Variants in KANK1 observed in about 807,000 individuals in gnomAD.
KANK1 encodes KN motif and ankyrin repeat domain-containing protein 1.
A neutral mutation model predicts 106.2 loss-of-function variants in KANK1; 109 were observed. The observed-to-expected ratio is 1.03, with a 90% CI of 0.88 to 1.20. The LOEUF (loss-of-function observed/expected upper bound fraction) is 1.20, where lower values mean the gene tolerates loss of function less well. Ranked by LOEUF, KANK1 falls within the 50% of genes most tolerant of loss-of-function variation. The probability of loss-of-function intolerance (pLI) is 0.00; values close to 1 mark genes in which losing one functional copy is unlikely to be tolerated. For synonymous variants in KANK1, 873 were observed against 652.2 expected, an observed-to-expected ratio of 1.34 and a Z score of -5.16; for missense variants, 2,399 against 1,710.7, an observed-to-expected ratio of 1.40 and a Z score of -7.10.
At chr9:611,326 A>G (rs10975399) in intron 1 of KANK1, among the ~76,000 whole-genome samples, 55,577 of 152,138 alleles carry the variant, frequency 0.37, 12,622 homozygotes, top group South Asian at 0.58. Context: ...CACCGACTCT[A>G]TGCCTTAATT....
At chr9:689,372 C>T (rs1021457249) in intron 2 of KANK1, among the ~76,000 whole-genome samples, 14 of 152,146 alleles carry the variant, frequency 9.2e-5, no homozygotes, top group Non-Finnish European at 1.6e-4. Flanking sequence ...TAAAGTCACT[C>T]TCCTGACAAG....
chr9:576,242 A>C (rs374842107), intron 1 of KANK1, among the ~76,000 whole-genome samples: 1 of 152,150 alleles, frequency 6.6e-6, no homozygotes, highest in Admixed American at 6.5e-5. Flanking sequence ...GCTTCATACC[A>C]TCCTTTTATA....
chr9:552,351 C>G (rs922716187), intron 1 of KANK1, among the ~76,000 whole-genome samples: 5 of 152,160 alleles, frequency 3.3e-5, no homozygotes, highest in African/African-American at 1.2e-4. Context: ...GGTCAGTTAG[C>G]CGGTGATTGC....
At chr9:519,095 G>T (rs1357898898) in intron 1 of KANK1, among the ~76,000 whole-genome samples, 1 of 151,558 alleles carries the variant, frequency 6.6e-6, no homozygotes, top group Non-Finnish European at 1.5e-5. Flanking sequence ...TCTCCATGTT[G>T]GTCAGGCTGG....
intron 3 of KANK1, among the ~76,000 whole-genome samples, chr9:474,732 G>T (rs2132060582): frequency 6.6e-6 from 1 of 152,276 alleles, no homozygotes; most frequent in East Asian, 1.9e-4. Flanking sequence ...CCCTGAAATG[G>T]GGTTGAGCAG....
At chr9:626,321 G>A (rs1834331538) in intron 1 of KANK1, among the ~76,000 whole-genome samples, 1 of 152,030 alleles carries the variant, frequency 6.6e-6, no homozygotes, top group African/African-American at 2.4e-5. Context: ...CAGGCGTGGT[G>A]GTACATGCCT....
At chr9:595,684 T>A (rs1826040944) in intron 1 of KANK1, among the ~76,000 whole-genome samples, 2 of 151,614 alleles carry the variant, frequency 1.3e-5, no homozygotes, top group Non-Finnish European at 2.9e-5. Flanking sequence ...CACCACCACA[T>A]CTGGCTAATT....
At chr9:734,590 C>CT in intron 6 of KANK1, 158 bp from the exon 7 acceptor site, 1 of 522,438 alleles carries the variant, frequency 1.9e-6, no homozygotes. Flanking sequence ...TGCTTGAATC[C>CT]AGGAGGCGGA....
At chr9:702,165 A>C (rs1266780769) in intron 2 of KANK1, among the ~76,000 whole-genome samples, 1 of 152,172 alleles carries the variant, frequency 6.6e-6, no homozygotes, top group East Asian at 1.9e-4. Flanking sequence ...GAGTGTGCAA[A>C]CTTAGTTGGG....
At chr9:744,619 T>A (rs1442527551) in intron 11 of KANK1, 30 bp downstream of exon 11, 1 of 1,614,008 alleles carries the variant, frequency 6.2e-7, no homozygotes, top group East Asian at 2.2e-5. Context: ...CATTTGTAAA[T>A]AGGCTGAAAT....
intron 1 of KANK1, among the ~76,000 whole-genome samples, chr9:624,237 C>A (rs566399627): frequency 1.3e-5 from 2 of 151,996 alleles, no homozygotes; most frequent in Non-Finnish European, 2.9e-5. Flanking sequence ...ATGGGAGAAA[C>A]GGTGAGATGC....
intron 11 of KANK1, 101 bp from the exon 12 acceptor site, chr9:745,072 C>T: frequency 6.5e-7 from 1 of 1,543,186 alleles, no homozygotes; most frequent in Non-Finnish European, 8.7e-7. Context: ...GGGCTCACAG[C>T]TGCTTGTTGC....
intron 3 of KANK1, among the ~76,000 whole-genome samples, chr9:490,917 T>G (rs1156744982): frequency 6.6e-6 from 1 of 151,066 alleles, no homozygotes; most frequent in Non-Finnish European, 1.5e-5. Flanking sequence ...CGAAAAAAGA[T>G]GAGGAGAACA....
chr9:717,250 C>G (rs779511047), intron 3 of KANK1, among the ~76,000 whole-genome samples: 1 of 151,976 alleles, frequency 6.6e-6, no homozygotes, highest in Non-Finnish European at 1.5e-5. Flanking sequence ...GTCACCCACT[C>G]TAGCCTGGGT....
chr9:727,986 C>T (rs116707228), intron 3 of KANK1, among the ~76,000 whole-genome samples: 2,468 of 151,956 alleles, frequency 0.016, 61 homozygotes, highest in African/African-American at 0.056. Context: ...CTCATTATAC[C>T]CTCCTCCCTT....
chr9:548,766 C>T (rs766845217), intron 1 of KANK1, among the ~76,000 whole-genome samples: 14 of 151,938 alleles, frequency 9.2e-5, no homozygotes, highest in Admixed American at 2.6e-4. Context: ...ATAATGACCA[C>T]GTTATGTTTA....
In KANK1 at chr9:712,592, C is replaced by G. The variant is rs1826468341; in HGVS notation, c.1826C>G (p.Ser609Cys). The change falls in exon 3 of 12, where the codon TCT becomes TGT. Residue 609 changes from serine to cysteine, a missense_variant. Ser to Cys is a moderately radical substitution (Grantham distance 112). Transcript: ENST00000382297. ...VCETGSNTEE[S>C]VNDLTLLKTN... ...GAAACAGGCAGCAACACAGAGGAGT[C>G]TGTGAACGACCTCACACTCCTCAAG... 2 of 1,614,160 alleles carry G rather than the reference C, an allele frequency of 1.2e-6. No homozygotes were observed. Among genetic ancestry groups the G allele is most frequent in the Admixed American group, 1.7e-5 (1 of 60,026 alleles).
intron 3 of KANK1, among the ~76,000 whole-genome samples, chr9:497,076 T>C (rs774881483): frequency 1.2e-4 from 18 of 152,218 alleles, no homozygotes; most frequent in Non-Finnish European, 1.9e-4. Flanking sequence ...AACTTGATTT[T>C]TAAAATAACT....
intron 1 of KANK1, among the ~76,000 whole-genome samples, chr9:595,798 A>G (rs2135695839): frequency 6.6e-6 from 1 of 152,058 alleles, no homozygotes; most frequent in East Asian, 1.9e-4. Flanking sequence ...CTGGGATTAT[A>G]GGCATGAGCC....
Sources: allele counts gnomAD v4.1 joint callset (sites outside exome capture counted in the v4.1 genomes callset), GRCh38; gene constraint gnomAD v4.1.1; transcripts MANE v1.5; gene names NCBI Gene and HGNC (gene_info 2026-07-23, HGNC 2026-07-21).